MYO18A: variants seen among roughly 807,000 people sequenced by gnomAD.
The protein encoded by MYO18A is myosin XVIIIA, also known as unconventional myosin-XVIIIa.
Under a neutral mutation model 235.8 loss-of-function variants are expected in MYO18A, and 78 were observed. The ratio of observed to expected loss-of-function variants is 0.33; its 90% CI spans 0.28 to 0.40. The LOEUF (loss-of-function observed/expected upper bound fraction) is 0.40, where lower values mean the gene tolerates loss of function less well. Ranked by LOEUF, MYO18A falls within the 10% of genes least tolerant of loss-of-function variation. The pLI is 1.00. For synonymous variants in MYO18A, 977 were observed against 1,077.8 expected (o/e 0.91, Z 1.83); for missense variants, 2,215 against 2,699.3 (o/e 0.82, Z 3.98).
chr17:29,092,513 G>A, intron 33 of MYO18A, 57 bp from the exon 34 acceptor site: 1 of 1,422,484 alleles, frequency 7.0e-7, no homozygotes, highest in Non-Finnish European at 9.8e-7. Flanking sequence ...TTGGGGGCAG[G>A]AGGGCTGTAC....
rs2067291624 is a variant in MYO18A at position 29,125,192 on chromosome 17, C to G, written c.1000-2939G>C. ...CTGTTCCTTGCCTTCTAACACAGCC[C>G]AAGGGTGCCACTCCCTAGGCCAAGG... On this transcript the variant is annotated intron_variant, in intron 2 of 41. Transcript: ENST00000527372. The surrounding 1 kb of genome is among the most constrained non-coding windows in gnomAD (Gnocchi z 5.1). 6.6e-6 allele frequency among the ~76,000 whole-genome samples: 1 copy of G among 152,206 alleles called. No individual in the cohort carries two copies. Among genetic ancestry groups the G allele is most frequent in the South Asian group, 2.1e-4 (1 of 4,834 alleles).
chr17:29,119,215 C>T, intron 8 of MYO18A, 120 bp downstream of exon 8: 1 of 707,586 alleles, frequency 1.4e-6, no homozygotes, highest in East Asian at 2.7e-5. Flanking sequence ...CAGACATGCA[C>T]TGACCAAACA....
intron 11 of MYO18A, 57 bp from the exon 12 acceptor site, chr17:29,115,897 T>C (rs1181400449): frequency 2.0e-6 from 3 of 1,522,876 alleles, no homozygotes; most frequent in Non-Finnish European, 2.7e-6. Flanking sequence ...GGCCAGCTGA[T>C]GACCTGATGA....
At chr17:29,128,997 C>T in intron 2 of MYO18A, 1 of 1,245,634 alleles carries the variant, frequency 8.0e-7, no homozygotes, top group Non-Finnish European at 1.1e-6. Context: ...GGTCAAACAG[C>T]CGAGTCCCAC....
In MYO18A at chr17:29,095,185, TG is replaced by T. The variant is rs547925759; in HGVS notation, c.4386-127del. Reference sequence around the variant, plus strand: ...TGGGGGGACCCATGCAGCCCTAACGTGGGGCCAGTTGTAAGGTAGCGGTGAC... The same window carrying T: ...TGGGGGGACCCATGCAGCCCTAACGTGGGCCAGTTGTAAGGTAGCGGTGAC... On this transcript the variant is annotated intron_variant, in intron 28 of 41. Coordinates refer to ENST00000527372, the MANE Select transcript of MYO18A (RefSeq NM_078471.4). The T allele has an allele frequency of 6.1e-5, 82 of 1,336,198 alleles. No homozygotes were observed. The African/African-American group carries it at 1.1e-3, about 17-fold the overall frequency. The allele number at this position is 1,336,198 out of a possible 1,614,324, so 82.8% of individuals were successfully genotyped here.
chr17:29,099,020 C>T, intron 22 of MYO18A, 51 bp from the exon 23 acceptor site: 1 of 1,605,552 alleles, frequency 6.2e-7, no homozygotes, highest in African/African-American at 1.3e-5. Context: ...TCACCCTGGC[C>T]AAGCTCGGCC....
At chr17:29,177,594 G>A (rs1285413991) in intron 1 of MYO18A, among the ~76,000 whole-genome samples, 1 of 152,110 alleles carries the variant, frequency 6.6e-6, no homozygotes, top group African/African-American at 2.4e-5. Context: ...GGTGGGGTGT[G>A]CAGATCTTAA....
rs769101942 is a variant in MYO18A at position 29,111,839 on chromosome 17, C to T, written c.2623G>A (p.Glu875Lys). The T allele has an allele frequency of 9.3e-6, 15 of 1,613,452 alleles. No homozygotes were observed. The highest frequency in any genetic ancestry group is 2.2e-5 in the East Asian group (1 of 44,888). ...SLVRSLARTDEARGLLWLLEE... is the reference protein window; with the variant it reads ...SLVRSLARTDKARGLLWLLEE... ...AATAGCCAGAGCAGGCCCCTCGCCTCGTCTGTGCGGGCCAGCGAGCGGACC... is the reference window on the plus strand; with the variant it reads ...AATAGCCAGAGCAGGCCCCTCGCCTTGTCTGTGCGGGCCAGCGAGCGGACC... The change falls in exon 16 of 42, where the codon GAG becomes AAG. Residue 875 changes from glutamate to lysine, a missense_variant. Physicochemically the swap from Glu to Lys is moderately conservative, Grantham distance 56. Coordinates refer to ENST00000527372, the MANE Select transcript of MYO18A (RefSeq NM_078471.4). The surrounding 1 kb of genome is among the most constrained non-coding windows in gnomAD (Gnocchi z 5.1).
chr17:29,095,868 G>A (rs746533535), intron 28 of MYO18A, among the ~76,000 whole-genome samples: 5 of 152,274 alleles, frequency 3.3e-5, no homozygotes, highest in Admixed American at 6.5e-5. Context: ...TAACTAGGCC[G>A]AGCTGGCAAT....
At chr17:29,124,049 A>C (rs79866604) in intron 2 of MYO18A, among the ~76,000 whole-genome samples, 7 of 39,162 alleles carry the variant, frequency 1.8e-4, no homozygotes, top group African/African-American at 7.8e-4. Context: ...CTCCATCTCA[A>C]AAAAAAAAAA....
chr17:29,177,792 G>T (rs2095053525), intron 1 of MYO18A, among the ~76,000 whole-genome samples: 1 of 152,120 alleles, frequency 6.6e-6, no homozygotes, highest in Non-Finnish European at 1.5e-5. Flanking sequence ...GGGACCCCAG[G>T]CCACCAACAA....
At chr17:29,124,207 G>A (rs1200301649) in intron 2 of MYO18A, among the ~76,000 whole-genome samples, 1 of 152,188 alleles carries the variant, frequency 6.6e-6, no homozygotes, top group Non-Finnish European at 1.5e-5. Flanking sequence ...CTCCCTTAAA[G>A]CTCATCTGAA....
chr17:29,103,975 G>A (rs149097117), intron 20 of MYO18A, among the ~76,000 whole-genome samples: 1 of 152,370 alleles, frequency 6.6e-6, no homozygotes, highest in Non-Finnish European at 1.5e-5. Flanking sequence ...GTGAGAATTT[G>A]TTGGACAAAG....
chr17:29,080,653 G>A (rs999624569), intron 41 of MYO18A: 23 of 985,454 alleles, frequency 2.3e-5, no homozygotes, highest in Non-Finnish European at 2.7e-5. Flanking sequence ...CCGCGTGGCC[G>A]AGGAGGCCCG....
intron 24 of MYO18A, 22 bp from the exon 25 acceptor site, chr17:29,098,246 C>T (rs373884566): frequency 2.5e-6 from 4 of 1,613,670 alleles, no homozygotes; most frequent in East Asian, 2.2e-5. Context: ...GGTAGGGAGT[C>T]ACCACCAGTT....
At chr17:29,131,207 C>T (rs1471014126) in intron 2 of MYO18A, among the ~76,000 whole-genome samples, 1 of 152,192 alleles carries the variant, frequency 6.6e-6, no homozygotes, top group Non-Finnish European at 1.5e-5. Context: ...TCAGCTGAGC[C>T]ACACAGGAAG....
intron 31 of MYO18A, 37 bp downstream of exon 31, chr17:29,093,943 T>G: frequency 6.9e-7 from 1 of 1,443,360 alleles, no homozygotes; most frequent in South Asian, 1.2e-5. Flanking sequence ...TGGGAACAGG[T>G]GTTTACGCTG....
chr17:29,172,753 G>A (rs2068434100), intron 1 of MYO18A, among the ~76,000 whole-genome samples: 1 of 152,160 alleles, frequency 6.6e-6, no homozygotes, highest in Admixed American at 6.5e-5. Flanking sequence ...TACATGGAAA[G>A]TAAAGCCCAA....
chr17:29,152,816 G>A (rs150653590), intron 2 of MYO18A, among the ~76,000 whole-genome samples: 4,741 of 151,956 alleles, frequency 0.031, 170 homozygotes, highest in African/African-American at 0.087. Flanking sequence ...CAAACTCCTG[G>A]GCTCAAGCGA....
Sources: allele counts gnomAD v4.1 joint callset (sites outside exome capture counted in the v4.1 genomes callset), GRCh38; gene constraint gnomAD v4.1.1; non-coding constraint Gnocchi (gnomAD v3.1); transcripts MANE v1.5; gene names NCBI Gene and HGNC (gene_info 2026-07-23, HGNC 2026-07-21).